CHRNA3: variants seen among roughly 807,000 people sequenced by gnomAD.
CHRNA3 encodes the protein cholinergic receptor nicotinic alpha 3 subunit.
In CHRNA3, 34 loss-of-function variants were observed where a neutral mutation model predicts 41.9. The ratio of observed to expected loss-of-function variants is 0.81; its 90% CI spans 0.62 to 1.08. The LOEUF (loss-of-function observed/expected upper bound fraction) is 1.08. Ranked by LOEUF, CHRNA3 falls within the 50% of genes least tolerant of loss-of-function variation. CHRNA3 has a pLI of 0.00. For missense variants in CHRNA3, 542 were observed against 638.3 expected, an observed-to-expected ratio of 0.85 and a Z score of 1.63; for synonymous variants, 281 against 265.2, an observed-to-expected ratio of 1.06 and a Z score of -0.58.
At chr15:78,611,231 ATCC>A in intron 4 of CHRNA3, among the ~76,000 whole-genome samples, 1 of 152,366 alleles carries the variant, frequency 6.6e-6, no homozygotes, top group African/African-American at 2.4e-5. Context: ...TGAGGCCAGC[ATCC>A]TCCTGATACC....
intron 5 of CHRNA3, among the ~76,000 whole-genome samples, chr15:78,598,427 C>T (rs1298679746): frequency 1.3e-5 from 2 of 149,946 alleles, no homozygotes; most frequent in Non-Finnish European, 3.0e-5. Flanking sequence ...CAGGGTCTTG[C>T]TTTGTTGCTC....
At chr15:78,616,934 C>T in intron 4 of CHRNA3, 90 bp downstream of exon 4, 1 of 800,776 alleles carries the variant, frequency 1.2e-6, no homozygotes, top group East Asian at 2.6e-5. Context: ...TGGAAAAGGC[C>T]AAGGAAGGCC....
chr15:78,598,992 A>C (rs2053155085), intron 5 of CHRNA3, among the ~76,000 whole-genome samples: 1 of 146,640 alleles, frequency 6.8e-6, no homozygotes, highest in Non-Finnish European at 1.5e-5. Flanking sequence ...TGCCACCACC[A>C]CCCCCCGGTT....
intron 1 of CHRNA3, chr15:78,620,396 G>GGGCAGGGCGACGGGCAGCGCGA: frequency 2.7e-6 from 1 of 370,586 alleles, no homozygotes. Context: ...GGGCAGCGCG[G>GGGCAGGGCGACGGGCAGCGCGA]GGACGCGAAT....
At chr15:78,617,405 C>T (rs1289331483) in intron 3 of CHRNA3, among the ~76,000 whole-genome samples, 1 of 152,160 alleles carries the variant, frequency 6.6e-6, no homozygotes, top group African/African-American at 2.4e-5. Context: ...ACAGGGCCTA[C>T]TCGTGCTTTC....
In CHRNA3 at chr15:78,596,692, C is replaced by A. The variant is rs201426786; in HGVS notation, c.1430G>T (p.Arg477Leu). The A allele has an allele frequency of 6.2e-7, 1 of 1,612,452 alleles. No individual in the cohort carries two copies. The highest frequency in any genetic ancestry group is 8.5e-7 in the Non-Finnish European group (1 of 1,179,736). The change falls in exon 6 of 6, where the codon CGT (arginine) becomes CTT (leucine). Residue 477 changes from arginine (R) to leucine (L), a missense_variant. Physicochemically the swap from Arg to Leu is moderately radical, Grantham distance 102. Coordinates refer to ENST00000326828, the MANE Select transcript of CHRNA3 (RefSeq NM_000743.5). ...CAGGGTGAAAACCCACAGAAAAATA[C>A]GATCAATCACCATGGCAACATACTT... ...DWKYVAMVIDRIFLWVFTLVC... is the reference protein window; with the variant it reads ...DWKYVAMVIDLIFLWVFTLVC...
intron 4 of CHRNA3, among the ~76,000 whole-genome samples, chr15:78,609,416 C>A (rs1357328180): frequency 6.6e-6 from 1 of 152,112 alleles, no homozygotes; most frequent in African/African-American, 2.4e-5. Context: ...AGAGTGGGGG[C>A]CAATATTCAA....
chr15:78,613,734 A>T lies in CHRNA3; in HGVS notation c.377+3290T>A, dbSNP rs28613272. Among the ~76,000 whole-genome samples the T allele has an allele frequency of 3.7e-4, 55 of 149,464 alleles. No individual in the cohort carries two copies. In the East Asian group the frequency reaches 4.1e-3, roughly 11 times the overall value. ...TTAAAGTATAATAATAATAAAATTT[A>T]AAAAAAAACTGTAAAGCAGTGGCAA... On this transcript the variant is annotated intron_variant, in intron 4 of 5. Transcript: ENST00000326828.
intron 4 of CHRNA3, among the ~76,000 whole-genome samples, chr15:78,606,239 T>A (rs571016010): frequency 1.3e-5 from 2 of 151,394 alleles, no homozygotes; most frequent in South Asian, 4.2e-4. Context: ...GGCAGAAGAA[T>A]TGCTTGAATC....
Position 78,620,895 on chromosome 15 carries a change from C to T in CHRNA3, c.-101G>A, listed in dbSNP as rs1337988659. ...CGCGGCTCCAGCGCAGACCCCAGAC[C>T]TGGAGCCGTGCGGGCGGAGACGCGC... is the stretch of plus-strand genomic sequence containing the variant. On this transcript the variant is annotated 5_prime_UTR_variant, in exon 1 of 6. Transcript: ENST00000326828. 2.4e-6 allele frequency: 3 copies of T among 1,255,142 alleles called. No individual in the cohort carries two copies. The highest frequency in any genetic ancestry group is 3.1e-5 in the African/African-American group (2 of 63,716). 77.8% of individuals were successfully genotyped at this position (1,255,142 alleles called of 1,614,324 possible). A position where few individuals can be genotyped will look rare whatever the true frequency, so the allele number is the denominator to read the frequency against.
intron 4 of CHRNA3, among the ~76,000 whole-genome samples, chr15:78,613,851 T>A (rs1266217999): frequency 2.1e-5 from 3 of 146,302 alleles, no homozygotes; most frequent in African/African-American, 7.6e-5. Context: ...GAGGCTGAGG[T>A]AGGAGAATGG....
downstream of CHRNA3, chr15:78,594,387 A>C (rs940345957): frequency 6.6e-6 from 1 of 152,078 alleles, no homozygotes; most frequent in East Asian, 1.9e-4. Flanking sequence ...TTTAAAAAAC[A>C]TATTTAGGGC....
intron 3 of CHRNA3, among the ~76,000 whole-genome samples, chr15:78,618,092 C>CA (rs1052311183): frequency 2.0e-5 from 3 of 152,022 alleles, no homozygotes; most frequent in African/African-American, 7.2e-5. Context: ...ATAACAAATC[C>CA]AAAAATTAGC....
At chr15:78,606,564 G>C (rs1180263483) in intron 4 of CHRNA3, among the ~76,000 whole-genome samples, 3 of 151,958 alleles carry the variant, frequency 2.0e-5, no homozygotes, top group Admixed American at 2.0e-4. Flanking sequence ...CAGAATTTAG[G>C]AAAGAATTAG....
intron 5 of CHRNA3, among the ~76,000 whole-genome samples, chr15:78,600,508 T>A (rs1294305836): frequency 2.0e-5 from 3 of 152,176 alleles, no homozygotes; most frequent in Non-Finnish European, 4.4e-5. Flanking sequence ...ATGTAAAAAC[T>A]CATTGAGATG....
chr15:78,598,799 G>A (rs1422959138), intron 5 of CHRNA3, among the ~76,000 whole-genome samples: 2 of 151,290 alleles, frequency 1.3e-5, no homozygotes, highest in South Asian at 2.1e-4. Flanking sequence ...GCCTCCCAAA[G>A]TGCTGGGATT....
chr15:78,617,048 T>C lies in CHRNA3; in HGVS notation c.353A>G (p.Lys118Arg), dbSNP rs1261005468. The C allele has an allele frequency of 1.2e-6, 2 of 1,613,582 alleles. No homozygotes were observed. The highest frequency in any genetic ancestry group is 1.7e-5 in the Admixed American group (1 of 60,002). The change falls in exon 4 of 6, where the codon AAG becomes AGG. Residue 118 changes from lysine (K) to arginine (R), a missense_variant. Coordinates refer to ENST00000326828, the MANE Select transcript of CHRNA3 (RefSeq NM_000743.5). ...CTTGTTATACAGCACAATGTCTGGCTTCCAGATCTTCTGTGCAGGGACACG... is the reference window on the plus strand; with the variant it reads ...CTTGTTATACAGCACAATGTCTGGCCTCCAGATCTTCTGTGCAGGGACACG... ...FMRVPAQKIW[K>R]PDIVLYNNAV...
intron 4 of CHRNA3, among the ~76,000 whole-genome samples, chr15:78,611,667 G>A (rs1226060390): frequency 6.6e-6 from 1 of 151,672 alleles, no homozygotes; most frequent in Non-Finnish European, 1.5e-5. Context: ...GCACAAGACA[G>A]GGATGCCCTC....
At chr15:78,616,905 C>G (rs2053470681) in intron 4 of CHRNA3, 119 bp downstream of exon 4, 2 of 649,004 alleles carry the variant, frequency 3.1e-6, no homozygotes, top group South Asian at 1.9e-5. Context: ...ATGGACTGAA[C>G]AAATGAATGC....
Sources: gnomAD v4.1 joint callset for allele counts (sites outside exome capture counted in the v4.1 genomes callset) on GRCh38, gnomAD v4.1.1 for gene constraint, MANE v1.5 for transcripts, NCBI Gene and HGNC (gene_info 2026-07-23, HGNC 2026-07-21) for gene names.